Variants in HSD17B2 observed in about 807,000 individuals in gnomAD.
The protein encoded by HSD17B2 is 17-beta-hydroxysteroid dehydrogenase type 2.
Under a neutral mutation model 26.9 loss-of-function variants are expected in HSD17B2, and 32 were observed. That is an observed-to-expected ratio of 1.19 (90% CI 0.90 to 1.60). The LOEUF (loss-of-function observed/expected upper bound fraction) is 1.60. Among genes scored for constraint, HSD17B2 ranks in the 40% most tolerant of loss-of-function variants. The pLI is 0.00. For synonymous variants in HSD17B2, 246 were observed against 186.7 expected (o/e 1.32, Z -2.59); for missense variants, 613 against 468.6 (o/e 1.31, Z -2.85).
At chr16:82,060,091 T>C (rs761593951) in intron 1 of HSD17B2, among the ~76,000 whole-genome samples, 3 of 152,142 alleles carry the variant, frequency 2.0e-5, no homozygotes, top group Non-Finnish European at 4.4e-5. Context: ...TATGCTAGAG[T>C]TTTGTTGTAT....
At chr16:82,051,502 T>G (rs1914104565) in intron 1 of HSD17B2, among the ~76,000 whole-genome samples, 1 of 147,890 alleles carries the variant, frequency 6.8e-6, no homozygotes, top group African/African-American at 2.5e-5. Flanking sequence ...CACTCATAAG[T>G]GGGAACTGAA....
chr16:82,068,238 GGA>G lies in HSD17B2; in HGVS notation c.336_337del (p.Val113PhefsTer3), dbSNP rs1567586357. 6.2e-7 allele frequency: 1 copy of G among 1,614,034 alleles called. No homozygotes were observed. Among genetic ancestry groups the G allele is most frequent in the African/African-American group, 1.3e-5 (1 of 74,988 alleles). On this transcript the variant is annotated frameshift_variant, in exon 2 of 5. Transcript: ENST00000199936. LOFTEE classifies it high-confidence loss of function. ...TGAGCTGGGCTTCACGGTATTTGCC[GGA>G]GTTTTGAATGAAAATGGCCCAGGAG... Reference protein sequence around the residue: ...LDELGFTVFAGVLNENGPGAE... With the variant: ...LDELGFTVFAXVLNENGPGAE...
At chr16:82,053,389 G>A (rs961889379) in intron 1 of HSD17B2, among the ~76,000 whole-genome samples, 5 of 152,160 alleles carry the variant, frequency 3.3e-5, no homozygotes, top group Non-Finnish European at 5.9e-5. Flanking sequence ...AGAGAAGATC[G>A]AAATATCATC....
chr16:82,085,596 C>G (rs533335290), intron 3 of HSD17B2, among the ~76,000 whole-genome samples: 3 of 152,086 alleles, frequency 2.0e-5, no homozygotes, highest in East Asian at 1.9e-4. Context: ...AACCCTAACT[C>G]TGTTCTGTTT....
intron 3 of HSD17B2, among the ~76,000 whole-genome samples, chr16:82,072,824 G>C (rs1218492323): frequency 1.3e-5 from 2 of 152,234 alleles, no homozygotes; most frequent in African/African-American, 4.8e-5. Flanking sequence ...GGAAGGCCAA[G>C]GCAGGAGGAT....
intron 3 of HSD17B2, among the ~76,000 whole-genome samples, chr16:82,083,495 G>C (rs1330965872): frequency 6.6e-6 from 1 of 152,136 alleles, no homozygotes; most frequent in Non-Finnish European, 1.5e-5. Context: ...AAGGATAATA[G>C]TAATTGCTTC....
intron 1 of HSD17B2, among the ~76,000 whole-genome samples, chr16:82,051,208 A>G (rs151258147): frequency 1.8e-3 from 277 of 152,242 alleles, no homozygotes; most frequent in African/African-American, 6.4e-3. Context: ...ATTTCATTCA[A>G]TTCTGTAATG....
At chr16:82,076,106 C>T (rs1443776741) in intron 3 of HSD17B2, among the ~76,000 whole-genome samples, 2 of 151,984 alleles carry the variant, frequency 1.3e-5, no homozygotes, top group Non-Finnish European at 2.9e-5. Context: ...GATACATAAT[C>T]TCAACAGAAT....
At chr16:82,043,289 T>G (rs1419001966) in intron 1 of HSD17B2, among the ~76,000 whole-genome samples, 1 of 151,852 alleles carries the variant, frequency 6.6e-6, no homozygotes, top group Non-Finnish European at 1.5e-5. Context: ...ATGCAAGGGG[T>G]CTCCCCTGGC....
chr16:82,098,135 C>T lies in HSD17B2; in HGVS notation c.863C>T (p.Pro288Leu), dbSNP rs1264497705. Residue 288 changes from proline to leucine, a missense_variant, in exon 5 of 5, where the codon CCC becomes CTC. Coordinates refer to ENST00000199936, the MANE Select transcript of HSD17B2 (RefSeq NM_002153.3). The part of the protein sequence containing the change: ...KLEKDILDHL[P>L]AEVQEDYGQD... ...GAGAAGGACATTCTGGACCACCTCCCCGCTGAGGTACAGGAAGACTACGGC... is the reference window on the plus strand; with the variant it reads ...GAGAAGGACATTCTGGACCACCTCCTCGCTGAGGTACAGGAAGACTACGGC... 1 of 1,613,928 alleles carries T rather than the reference C, an allele frequency of 6.2e-7. No individual in the cohort carries two copies. The highest frequency in any genetic ancestry group is 1.7e-5 in the Admixed American group (1 of 60,004).
At position 82,098,071 on chromosome 16, in the gene HSD17B2, C is replaced by T. The variant is rs1904906051; in HGVS notation, c.803-4C>T. ...TCTGACTCTTCCCTTTCCTTTCACC[C>T]CAGATATCGCAGGCACCAGTGACAA... On this transcript the variant is annotated splice_region_variant and splice_polypyrimidine_tract_variant and intron_variant, in intron 4 of 4. Transcript: ENST00000199936. 1 of 1,605,776 alleles carries T rather than the reference C, an allele frequency of 6.2e-7. No homozygotes were observed. The highest frequency in any genetic ancestry group is 8.5e-7 in the Non-Finnish European group (1 of 1,175,194).
chr16:82,035,680 C>G lies in HSD17B2; in HGVS notation c.256C>G (p.Leu86Val), dbSNP rs1166468407. 3 of 1,613,436 alleles carry G rather than the reference C, an allele frequency of 1.9e-6. No individual in the cohort carries two copies. Among genetic ancestry groups the G allele is most frequent in the Non-Finnish European group, 1.7e-6 (2 of 1,179,770 alleles). The part of the protein sequence containing the change: ...ELLPVDQKAV[L>V]VTGGDCGLGH... Reference sequence around the variant, plus strand: ...GTTACCTGTGGATCAGAAGGCAGTCCTGGTGACAGGTAAGCAGACGGTGCT... The same window carrying G: ...GTTACCTGTGGATCAGAAGGCAGTCGTGGTGACAGGTAAGCAGACGGTGCT... Residue 86 changes from leucine (L) to valine (V), a missense_variant, in exon 1 of 5, where the codon CTG becomes GTG. By Grantham distance (32) the Leu-to-Val change is conservative (BLOSUM62 1). Coordinates refer to ENST00000199936, the MANE Select transcript of HSD17B2 (RefSeq NM_002153.3).
intron 3 of HSD17B2, among the ~76,000 whole-genome samples, chr16:82,085,414 G>C (rs571964922): frequency 1.3e-5 from 2 of 152,244 alleles, no homozygotes; most frequent in African/African-American, 4.8e-5. Flanking sequence ...ACAGAATGCA[G>C]ATATTAATTA....
intron 3 of HSD17B2, among the ~76,000 whole-genome samples, chr16:82,077,781 A>G (rs1275706323): frequency 6.6e-6 from 1 of 151,934 alleles, no homozygotes; most frequent in Non-Finnish European, 1.5e-5. Context: ...GAAAGGAAGG[A>G]AGGAAGAAAG....
At chr16:82,045,250 T>G (rs768796008) in intron 1 of HSD17B2, among the ~76,000 whole-genome samples, 1 of 152,062 alleles carries the variant, frequency 6.6e-6, no homozygotes, top group Non-Finnish European at 1.5e-5. Context: ...ACTGTGAACT[T>G]AAATGGGGTC....
chr16:82,084,609 T>A (rs181864416), intron 3 of HSD17B2, among the ~76,000 whole-genome samples: 1 of 152,266 alleles, frequency 6.6e-6, no homozygotes, highest in East Asian at 1.9e-4. Context: ...CAATTCTAAT[T>A]GTACAAAGGA....
intron 3 of HSD17B2, among the ~76,000 whole-genome samples, chr16:82,074,022 G>C (rs1290643508): frequency 2.0e-5 from 3 of 152,106 alleles, no homozygotes; most frequent in Non-Finnish European, 4.4e-5. Context: ...CAATGGAACA[G>C]AACAGAGAAC....
rs1383092880 is a variant in HSD17B2, at chr16:82,098,316, C to T, written c.1044C>T (p.Ile348=). The change falls in exon 5 of 5, where the codon ATC becomes ATT. Residue 348 remains isoleucine, a synonymous_variant. Coordinates refer to ENST00000199936, the MANE Select transcript of HSD17B2 (RefSeq NM_002153.3). ...CAGGGAAAGGCGCTTACTTGTGGATCTGCCTTGCTCACTATTTGCCTATTG... is the reference window on the plus strand; with the variant it reads ...CAGGGAAAGGCGCTTACTTGTGGATTTGCCTTGCTCACTATTTGCCTATTG... ...YTPGKGAYLW[I]CLAHYLPIGI... 3 of 1,614,222 alleles carry T rather than the reference C, an allele frequency of 1.9e-6. No homozygotes were observed. Among genetic ancestry groups the T allele is most frequent in the Admixed American group, 1.7e-5 (1 of 60,028 alleles).
At chr16:82,082,846 T>C (rs182885548) in intron 3 of HSD17B2, among the ~76,000 whole-genome samples, 3 of 152,318 alleles carry the variant, frequency 2.0e-5, no homozygotes, top group Admixed American at 6.5e-5. Flanking sequence ...ACCTATGTAA[T>C]GTTGCTATTC....
Sources: allele counts gnomAD v4.1 joint callset (sites outside exome capture counted in the v4.1 genomes callset), GRCh38; gene constraint gnomAD v4.1.1; transcripts MANE v1.5; gene names NCBI Gene and HGNC (gene_info 2026-07-23, HGNC 2026-07-21).